Variants in SLC35D4 observed in about 807,000 individuals in gnomAD.
SLC35D4 encodes the protein UDP-N-acetylglucosamine transporter SLC35D4.
chr18:23,420,867 A>C, the SLC35D4 span, among the ~76,000 whole-genome samples: 1 of 152,194 alleles, frequency 6.6e-6, no homozygotes, highest in Non-Finnish European at 1.5e-5. Context: ...TTACCCAGGA[A>C]AATACTATTT....
At chr18:23,255,511 T>C in the SLC35D4 span, among the ~76,000 whole-genome samples, 1 of 151,784 alleles carries the variant, frequency 6.6e-6, no homozygotes, top group Non-Finnish European at 1.5e-5. Flanking sequence ...ACACCAACTC[T>C]GAGCTGAGAA....
chr18:23,421,854 T>C, the SLC35D4 span, among the ~76,000 whole-genome samples: 2 of 151,812 alleles, frequency 1.3e-5, no homozygotes, highest in East Asian at 1.9e-4. Context: ...TTTTTTTGTA[T>C]TTTTAGTAGA....
At chr18:23,296,606 C>G in the SLC35D4 span, 1 of 152,080 alleles carries the variant, frequency 6.6e-6, no homozygotes, top group Non-Finnish European at 1.5e-5. Context: ...CTGCGCCTGA[C>G]CAGGAATAGG....
chr18:23,310,170 C>T, the SLC35D4 span: 1 of 974,582 alleles, frequency 1.0e-6, no homozygotes, highest in African/African-American at 1.7e-5. Context: ...CAGATAAAAA[C>T]TTATCTGTCA....
the SLC35D4 span, among the ~76,000 whole-genome samples, chr18:23,398,013 G>A: frequency 0.011 from 1,685 of 152,326 alleles, 26 homozygotes; most frequent in African/African-American, 0.039. Flanking sequence ...AGTGGGCTGT[G>A]ATTGTGCCAC....
At chr18:23,365,502 G>A in the SLC35D4 span, 24 of 1,013,242 alleles carry the variant, frequency 2.4e-5, no homozygotes, top group Non-Finnish European at 3.3e-5. Flanking sequence ...AAATAGGTGG[G>A]ACCTTCCTGC....
chr18:23,252,263 A>AGAT, the SLC35D4 span, among the ~76,000 whole-genome samples: 2 of 152,206 alleles, frequency 1.3e-5, no homozygotes, highest in African/African-American at 4.8e-5. Flanking sequence ...TCAATTGGGA[A>AGAT]GATGAAAAGA....
chr18:23,368,088 A>G, the SLC35D4 span, among the ~76,000 whole-genome samples: 1 of 152,184 alleles, frequency 6.6e-6, no homozygotes, highest in South Asian at 2.1e-4. Flanking sequence ...ACCTTAACAA[A>G]TACACCTTCA....
the SLC35D4 span, among the ~76,000 whole-genome samples, chr18:23,416,698 C>G: frequency 6.6e-6 from 1 of 152,160 alleles, no homozygotes; most frequent in Non-Finnish European, 1.5e-5. Flanking sequence ...TTTAATGGAG[C>G]TGTGGGTGGC....
the SLC35D4 span, among the ~76,000 whole-genome samples, chr18:23,245,284 G>T: frequency 6.6e-6 from 1 of 152,118 alleles, no homozygotes; most frequent in African/African-American, 2.4e-5. Context: ...GAGGTGGGCG[G>T]ATCACTTGAG....
the SLC35D4 span, among the ~76,000 whole-genome samples, chr18:23,243,639 A>T: frequency 1.3e-5 from 2 of 151,884 alleles, no homozygotes; most frequent in Non-Finnish European, 2.9e-5. Context: ...TTGGGAGGCC[A>T]AGGCGGGTGG....
At chr18:23,261,668 T>C in the SLC35D4 span, among the ~76,000 whole-genome samples, 2 of 152,148 alleles carry the variant, frequency 1.3e-5, no homozygotes, top group African/African-American at 4.8e-5. Context: ...CAGCTTAACC[T>C]TTCCTACCTC....
chr18:23,257,627 A>G, the SLC35D4 span: 54 of 362,324 alleles, frequency 1.5e-4, no homozygotes, highest in South Asian at 3.4e-3. Flanking sequence ...TCTGTCCACT[A>G]GCGAGAATCC....
the SLC35D4 span, among the ~76,000 whole-genome samples, chr18:23,267,850 C>T: frequency 2.6e-5 from 4 of 152,344 alleles, no homozygotes; most frequent in South Asian, 2.1e-4. Flanking sequence ...CACACAGGCC[C>T]GCACCATGTG....
At chr18:23,259,401 CTG>C in the SLC35D4 span, 2 of 152,114 alleles carry the variant, frequency 1.3e-5, no homozygotes, top group Non-Finnish European at 2.9e-5. Flanking sequence ...GAGTCCTTTC[CTG>C]TGTGATAAAA....
the SLC35D4 span, among the ~76,000 whole-genome samples, chr18:23,387,159 G>A: frequency 6.6e-6 from 1 of 152,120 alleles, no homozygotes; most frequent in African/African-American, 2.4e-5. Flanking sequence ...TGATCCACCT[G>A]CCTTGGCCTC....
At chr18:23,346,821 A>C in the SLC35D4 span, among the ~76,000 whole-genome samples, 4 of 152,244 alleles carry the variant, frequency 2.6e-5, no homozygotes, top group Non-Finnish European at 4.4e-5. Context: ...AAGGTATTAC[A>C]TTAGTTAATT....
At chr18:23,334,481 T>C in the SLC35D4 span, among the ~76,000 whole-genome samples, 2 of 152,240 alleles carry the variant, frequency 1.3e-5, no homozygotes, top group South Asian at 2.1e-4. Flanking sequence ...GCTAGTTGTA[T>C]TTATGTGATA....
chr18:23,251,520 G>A, the SLC35D4 span, among the ~76,000 whole-genome samples: 3 of 152,252 alleles, frequency 2.0e-5, no homozygotes, highest in East Asian at 1.9e-4. Context: ...GTATACTCTC[G>A]AGGAGGGATG....
Sources: gnomAD v4.1 joint callset for allele counts (sites outside exome capture counted in the v4.1 genomes callset) on GRCh38, gnomAD v4.1.1 for gene constraint, MANE v1.5 for transcripts, NCBI Gene and HGNC (gene_info 2026-07-23, HGNC 2026-07-21) for gene names.